The following MCC variants were observed in gnomAD, a reference collection of about 807,000 sequenced individuals.
MCC encodes colorectal mutant cancer protein.
In MCC, 90 loss-of-function variants were observed where a neutral mutation model predicts 116.2. The ratio of observed to expected loss-of-function variants is 0.77; its 90% CI spans 0.65 to 0.92. The LOEUF (loss-of-function observed/expected upper bound fraction) is 0.92, where lower values mean the gene tolerates loss of function less well. MCC is among the 40% of genes least tolerant of loss of function. The pLI is 0.00. For synonymous variants in MCC, 578 were observed against 510.5 expected, an observed-to-expected ratio of 1.13 and a Z score of -1.78; for missense variants, 1,516 against 1,312.2, an observed-to-expected ratio of 1.16 and a Z score of -2.40.
At chr5:113,276,992 T>G (rs916654570) in intron 3 of MCC, among the ~76,000 whole-genome samples, 3 of 151,162 alleles carry the variant, frequency 2.0e-5, no homozygotes, top group Non-Finnish European at 4.4e-5. Flanking sequence ...TTGAAAAAAA[T>G]GCAGAATATG....
intron 1 of MCC, among the ~76,000 whole-genome samples, chr5:113,461,568 G>C (rs1771743005): frequency 6.6e-6 from 1 of 152,098 alleles, no homozygotes; most frequent in South Asian, 2.1e-4. Context: ...GCTTTGGGGA[G>C]GCCGAGTTGG....
intron 3 of MCC, among the ~76,000 whole-genome samples, chr5:113,221,117 T>C (rs1763536652): frequency 6.6e-6 from 1 of 152,162 alleles, no homozygotes. Context: ...GGTGGGAGAA[T>C]CACCTGAGCT....
intron 1 of MCC, among the ~76,000 whole-genome samples, chr5:113,397,768 C>T (rs1769563560): frequency 6.6e-6 from 1 of 152,148 alleles, no homozygotes; most frequent in Non-Finnish European, 1.5e-5. Flanking sequence ...CTCTTCTGAA[C>T]ATTGGCCTTG....
At chr5:113,343,653 C>T (rs945316108) in intron 2 of MCC, among the ~76,000 whole-genome samples, 4 of 152,172 alleles carry the variant, frequency 2.6e-5, no homozygotes, top group Non-Finnish European at 5.9e-5. Flanking sequence ...CTCTCAGCAC[C>T]GTGCACATGG....
intron 1 of MCC, among the ~76,000 whole-genome samples, chr5:113,408,510 C>A (rs1008112643): frequency 2.0e-5 from 3 of 152,156 alleles, no homozygotes; most frequent in Non-Finnish European, 4.4e-5. Context: ...TCCTCACTGG[C>A]CTGTTGAGTG....
intron 3 of MCC, among the ~76,000 whole-genome samples, chr5:113,214,618 G>C (rs1763244658): frequency 1.3e-5 from 2 of 151,968 alleles, no homozygotes; most frequent in Admixed American, 1.3e-4. Flanking sequence ...GTGCCTAAAG[G>C]CTTCTGCAGC....
At chr5:113,379,010 C>T (rs1769047774) in intron 2 of MCC, among the ~76,000 whole-genome samples, 3 of 152,126 alleles carry the variant, frequency 2.0e-5, no homozygotes, top group South Asian at 4.1e-4. Flanking sequence ...ATACAGAATA[C>T]CTCACAACTG....
At chr5:113,264,007 G>A (rs1044055560) in intron 3 of MCC, among the ~76,000 whole-genome samples, 4 of 151,880 alleles carry the variant, frequency 2.6e-5, no homozygotes, top group African/African-American at 9.7e-5. Context: ...CATCTCATCT[G>A]GTTCTTTAAT....
intron 2 of MCC, among the ~76,000 whole-genome samples, chr5:113,355,436 C>T (rs1405424143): frequency 6.6e-6 from 1 of 152,228 alleles, no homozygotes; most frequent in Non-Finnish European, 1.5e-5. Context: ...CATACCAGCA[C>T]TCTCTTCTTA....
At chr5:113,101,667 G>A (rs946212778) in intron 8 of MCC, 72 bp downstream of exon 8, 1 of 1,488,556 alleles carries the variant, frequency 6.7e-7, no homozygotes, top group African/African-American at 1.4e-5. Context: ...CGGTGCCCCT[G>A]GTGCTATACA....
intron 2 of MCC, among the ~76,000 whole-genome samples, chr5:113,367,632 G>GT (rs1554079182): frequency 8.6e-6 from 1 of 116,740 alleles, no homozygotes; most frequent in African/African-American, 3.2e-5. Context: ...CAGAGGGTGG[G>GT]GGGGGGGAAG....
intron 3 of MCC, among the ~76,000 whole-genome samples, chr5:113,321,567 A>G (rs1157483376): frequency 2.0e-5 from 3 of 152,240 alleles, no homozygotes; most frequent in African/African-American, 4.8e-5. Flanking sequence ...AGTCTTCTCA[A>G]TTAGAGAATT....
At chr5:113,461,685 T>C (rs1771747180) in intron 1 of MCC, among the ~76,000 whole-genome samples, 1 of 151,696 alleles carries the variant, frequency 6.6e-6, no homozygotes, top group African/African-American at 2.4e-5. Flanking sequence ...AAAAACTGTT[T>C]TAATTTTTTA....
At chr5:113,112,415 C>A (rs1332831313) in intron 6 of MCC, among the ~76,000 whole-genome samples, 1 of 152,030 alleles carries the variant, frequency 6.6e-6, no homozygotes, top group East Asian at 1.9e-4. Context: ...GTAGCACCTC[C>A]CCTTTCTCTC....
chr5:113,366,499 A>G (rs548036180), intron 2 of MCC, among the ~76,000 whole-genome samples: 5 of 152,300 alleles, frequency 3.3e-5, no homozygotes, highest in African/African-American at 1.2e-4. Context: ...ATATGGGTAG[A>G]ATACTTCTGT....
At chr5:113,186,043 G>A (rs534721534) in intron 3 of MCC, among the ~76,000 whole-genome samples, 2 of 152,148 alleles carry the variant, frequency 1.3e-5, no homozygotes, top group South Asian at 2.1e-4. Flanking sequence ...TGGCATTGAG[G>A]GGCAACAATG....
intron 3 of MCC, among the ~76,000 whole-genome samples, chr5:113,173,396 T>C (rs927617409): frequency 3.9e-5 from 6 of 152,208 alleles, no homozygotes; most frequent in African/African-American, 1.4e-4. Flanking sequence ...TACATCTTTA[T>C]GTTACTCTAA....
intron 2 of MCC, among the ~76,000 whole-genome samples, chr5:113,364,264 G>GAA (rs35759225): frequency 0.18 from 18,307 of 101,660 alleles, 1,778 homozygotes; most frequent in African/African-American, 0.3. Flanking sequence ...AAAAAAACCA[G>GAA]AAAAAAAAAA....
At chr5:113,472,859 G>C (rs1772130428) in intron 1 of MCC, among the ~76,000 whole-genome samples, 1 of 152,156 alleles carries the variant, frequency 6.6e-6, no homozygotes, top group Admixed American at 6.5e-5. Flanking sequence ...TTAGGAATGA[G>C]AAAAATCAAA....
Sources: allele counts gnomAD v4.1 joint callset (sites outside exome capture counted in the v4.1 genomes callset), GRCh38; gene constraint gnomAD v4.1.1; transcripts MANE v1.5; gene names NCBI Gene and HGNC (gene_info 2026-07-23, HGNC 2026-07-21).